Variants in CNTNAP3B observed in about 807,000 individuals in gnomAD.
CNTNAP3B encodes the protein contactin-associated protein-like 3B.
CNTNAP3B carries 25 observed loss-of-function variants against 108.9 expected under a neutral mutation model. The observed-to-expected ratio is 0.23, with a 90% CI of 0.17 to 0.32. CNTNAP3B has a LOEUF of 0.32. Ranked by LOEUF, CNTNAP3B falls within the 10% of genes least tolerant of loss-of-function variation. The pLI is 1.00. For synonymous variants in CNTNAP3B, 103 were observed against 473.4 expected (o/e 0.22, Z 10.16); for missense variants, 252 against 1,210.4 (o/e 0.21, Z 11.75).
At chr9:41,932,650 G>A (rs1196423298) in intron 14 of CNTNAP3B, among the ~76,000 whole-genome samples, 1 of 152,142 alleles carries the variant, frequency 6.6e-6, no homozygotes, top group Admixed American at 6.5e-5. Flanking sequence ...CTCCAGAGTA[G>A]CTGGGATTAC....
intron 2 of CNTNAP3B, among the ~76,000 whole-genome samples, chr9:42,096,919 CTTT>C (rs879282328): frequency 8.9e-6 from 1 of 111,896 alleles, no homozygotes; most frequent in East Asian, 2.9e-4. Context: ...TGGCATGAAA[CTTT>C]TTTTTTTTTT....
At chr9:42,086,964 T>A (rs1197438574) in intron 2 of CNTNAP3B, among the ~76,000 whole-genome samples, 1 of 118,122 alleles carries the variant, frequency 8.5e-6, no homozygotes, top group Non-Finnish European at 1.8e-5. Context: ...TGTCTCTCAA[T>A]TTATTTGAGT....
chr9:41,927,874 A>C (rs1823862878), intron 15 of CNTNAP3B, among the ~76,000 whole-genome samples: 1 of 144,968 alleles, frequency 6.9e-6, no homozygotes, highest in African/African-American at 2.6e-5. Flanking sequence ...AAAGAGATTA[A>C]AGCCATTGGA....
intron 2 of CNTNAP3B, among the ~76,000 whole-genome samples, chr9:42,090,691 TAC>T (rs1348072138): frequency 1.5e-4 from 12 of 78,202 alleles, no homozygotes; most frequent in Non-Finnish European, 2.6e-4. Flanking sequence ...ATAGTCAGTA[TAC>T]AGTTAGTATA....
Position 42,116,328 on chromosome 9 carries a change from G to T in CNTNAP3B, c.86-11589C>A, listed in dbSNP as rs1056504427. ...CATCAGACTAACAGCGGATCTCTCG[G>T]CAGAAACTCTACAAGCCAGAAGAGA... On this transcript the variant is annotated intron_variant, in intron 1 of 23. Coordinates refer to ENST00000377561, the MANE Select transcript of CNTNAP3B (RefSeq NM_001201380.3). Among the ~76,000 whole-genome samples, 19 of 129,448 alleles carry T rather than the reference G, an allele frequency of 1.5e-4. 2 individuals carry two copies. The South Asian group carries it at 2.3e-3, about 16-fold the overall frequency. 84.9% of individuals were successfully genotyped at this position (129,448 alleles called of 152,430 possible).
chr9:42,129,309 C>T lies in CNTNAP3B; in HGVS notation c.-215G>A. The T allele has an allele frequency of 1.9e-6, 1 of 513,816 alleles. No homozygotes were observed. Among genetic ancestry groups the T allele is most frequent in the Non-Finnish European group, 2.7e-6 (1 of 372,542 alleles). The allele number at this position is 513,816 out of a possible 1,614,324, so 31.8% of individuals were successfully genotyped here. A position where few individuals can be genotyped will look rare whatever the true frequency, so the allele number is the denominator to read the frequency against. The stretch of plus-strand genomic sequence containing the variant: ...GCCGCGCCCGGCCCCAGCTGCGTCT[C>T]CGAGGTCGGCCCCGCGGGAGCCTGG... On this transcript the variant is annotated 5_prime_UTR_variant, in exon 1 of 24. Coordinates refer to ENST00000377561, the MANE Select transcript of CNTNAP3B (RefSeq NM_001201380.3).
intron 5 of CNTNAP3B, among the ~76,000 whole-genome samples, 191 bp from the exon 6 acceptor site, chr9:41,997,943 T>G (rs1825935650): frequency 9.8e-6 from 1 of 101,736 alleles, no homozygotes; most frequent in Non-Finnish European, 1.9e-5. Flanking sequence ...GTTGAAATTT[T>G]TCTTAGTATT....
At chr9:41,986,663 C>T (rs1327307232) in intron 8 of CNTNAP3B, among the ~76,000 whole-genome samples, 1 of 151,380 alleles carries the variant, frequency 6.6e-6, no homozygotes, top group Non-Finnish European at 1.5e-5. Flanking sequence ...ACTTGCTTTA[C>T]TGAATCTAAC....
At chr9:42,026,549 G>A (rs559446222) in intron 3 of CNTNAP3B, among the ~76,000 whole-genome samples, 1 of 93,962 alleles carries the variant, frequency 1.1e-5, no homozygotes, top group South Asian at 3.3e-4. Flanking sequence ...ATGGCTCCAC[G>A]GCACGGCACT....
chr9:42,036,258 TG>T (rs1194979096), intron 3 of CNTNAP3B, among the ~76,000 whole-genome samples: 4 of 143,012 alleles, frequency 2.8e-5, no homozygotes, highest in African/African-American at 1.1e-4. Flanking sequence ...TCTAAATATA[TG>T]GAATAAAATG....
rs575516480 is a variant in CNTNAP3B at position 42,026,801 on chromosome 9, T to G, written c.391-13276A>C. ...CTGTATTACACATTTTGCTCAATAATAACTCCAAATTTGTAGTAAGGTTTT... is the reference window on the plus strand; with the variant it reads ...CTGTATTACACATTTTGCTCAATAAGAACTCCAAATTTGTAGTAAGGTTTT... On this transcript the variant is annotated intron_variant, in intron 3 of 23. Transcript: ENST00000377561. Among the ~76,000 whole-genome samples, 8 of 137,120 alleles carry G rather than the reference T, an allele frequency of 5.8e-5. 2 individuals are homozygous for G. The highest frequency in any genetic ancestry group is 9.3e-5 in the Non-Finnish European group (6 of 64,546). The allele number at this position is 137,120 out of a possible 152,430, so 90.0% of individuals were successfully genotyped here. A position where few individuals can be genotyped will look rare whatever the true frequency, so the allele number is the denominator to read the frequency against.
At chr9:41,966,122 G>A (rs2118238647) in intron 10 of CNTNAP3B, among the ~76,000 whole-genome samples, 2 of 152,416 alleles carry the variant, frequency 1.3e-5, no homozygotes, top group South Asian at 2.1e-4. Context: ...AAGGTTGGCT[G>A]GGGTGGGGGC....
chr9:42,119,508 G>T (rs1828407564), intron 1 of CNTNAP3B, among the ~76,000 whole-genome samples: 1 of 123,664 alleles, frequency 8.1e-6, no homozygotes, highest in East Asian at 2.6e-4. Context: ...CCAAAAAAGA[G>T]CCCGCATTGC....
chr9:42,121,562 T>C (rs1828462267), intron 1 of CNTNAP3B, among the ~76,000 whole-genome samples: 1 of 139,364 alleles, frequency 7.2e-6, no homozygotes, highest in Non-Finnish European at 1.5e-5. Flanking sequence ...ACCCAGGAGA[T>C]GAGCTTTGTC....
In CNTNAP3B at chr9:41,893,803, G is replaced by C. The variant is rs1400430648; in HGVS notation, c.*186C>G. The C allele has an allele frequency of 6.2e-3, 172 of 27,956 alleles. No individual in the cohort carries two copies. The highest frequency in any genetic ancestry group is 7.6e-3 in the African/African-American group (2 of 262). 1.7% of individuals were successfully genotyped at this position (27,956 alleles called of 1,614,324 possible). A position where few individuals can be genotyped will look rare whatever the true frequency, so the allele number is the denominator to read the frequency against. On this transcript the variant is annotated 3_prime_UTR_variant, in exon 24 of 24. Transcript: ENST00000377561. ...CCGAGGGAGAAAGGGACCTCCCAGA[G>C]GCTCTGAGGCTGCAGATCTTCAGCC...
chr9:41,933,681 T>A (rs1465816208), intron 14 of CNTNAP3B, among the ~76,000 whole-genome samples: 1 of 152,284 alleles, frequency 6.6e-6, no homozygotes. Context: ...TATTTTGGAT[T>A]TTCTATGTAG....
chr9:41,940,588 G>T (rs1005981551), intron 13 of CNTNAP3B, among the ~76,000 whole-genome samples: 1 of 152,276 alleles, frequency 6.6e-6, no homozygotes, highest in Non-Finnish European at 1.5e-5. Context: ...CGGAGGCCGA[G>T]GTGGGCGGAT....
At position 42,127,430 on chromosome 9, in the gene CNTNAP3B, A is replaced by G. The variant is rs1401009570; in HGVS notation, c.85+1580T>C. 2.1e-5 allele frequency among the ~76,000 whole-genome samples: 3 copies of G among 139,798 alleles called. 1 individual carries two copies. Among genetic ancestry groups the G allele is most frequent in the African/African-American group, 8.5e-5 (3 of 35,246 alleles). The allele number at this position is 139,798 out of a possible 152,430, so 91.7% of individuals were successfully genotyped here. A position where few individuals can be genotyped will look rare whatever the true frequency, so the allele number is the denominator to read the frequency against. ...CAAAAACAGGAAAGGTGGTGGCAGG[A>G]TCTCAGATTTCATTTTTCTCCAGGA... On this transcript the variant is annotated intron_variant, in intron 1 of 23. Transcript: ENST00000377561.
At chr9:41,940,465 G>A (rs1259888956) in intron 13 of CNTNAP3B, among the ~76,000 whole-genome samples, 91 of 152,232 alleles carry the variant, frequency 6.0e-4, no homozygotes, top group African/African-American at 2.1e-3. Flanking sequence ...TGATAGAAAA[G>A]AATTGTCAAC....
Sources: gnomAD v4.1 joint callset for allele counts (sites outside exome capture counted in the v4.1 genomes callset) on GRCh38, gnomAD v4.1.1 for gene constraint, MANE v1.5 for transcripts, NCBI Gene and HGNC (gene_info 2026-07-23, HGNC 2026-07-21) for gene names.